The following ADCY2 variants were observed in gnomAD, a reference collection of about 807,000 sequenced individuals.
The protein encoded by ADCY2 is adenylate cyclase 2, also known as adenylate cyclase type 2.
ADCY2 carries 31 observed loss-of-function variants against 125.2 expected under a neutral mutation model. That is an observed-to-expected ratio of 0.25 (90% confidence interval 0.19 to 0.33). The LOEUF is 0.33. Among genes scored for constraint, ADCY2 ranks in the 10% least tolerant of loss-of-function variants. The pLI is 1.00. For missense variants in ADCY2, 904 were observed against 1,418.2 expected, an observed-to-expected ratio of 0.64 and a Z score of 5.82; for synonymous variants, 512 against 548.4, an observed-to-expected ratio of 0.93 and a Z score of 0.93.
chr5:7,588,278 A>G (rs1283855404), intron 3 of ADCY2, among the ~76,000 whole-genome samples: 2 of 152,206 alleles, frequency 1.3e-5, no homozygotes, highest in Admixed American at 6.5e-5. Context: ...CCTGAAACAC[A>G]TAAAAAAATC....
intron 3 of ADCY2, among the ~76,000 whole-genome samples, chr5:7,583,929 A>G (rs1029432321): frequency 1.6e-4 from 25 of 152,150 alleles, no homozygotes; most frequent in African/African-American, 6.0e-4. Context: ...CATGCAACAT[A>G]GATAAGTCAC....
intron 2 of ADCY2, among the ~76,000 whole-genome samples, chr5:7,486,057 A>G (rs546769262): frequency 6.6e-6 from 1 of 152,342 alleles, no homozygotes; most frequent in South Asian, 2.1e-4. Context: ...CAAGGTGACA[A>G]TATATGTGAT....
At chr5:7,632,449 A>C (rs1307452790) in intron 4 of ADCY2, among the ~76,000 whole-genome samples, 1 of 152,026 alleles carries the variant, frequency 6.6e-6, no homozygotes, top group Non-Finnish European at 1.5e-5. Context: ...ATTAGTATAT[A>C]CTTTTCTCTT....
intron 7 of ADCY2, 22 bp downstream of exon 7, chr5:7,698,396 C>T (rs201301567): frequency 3.2e-5 from 52 of 1,613,356 alleles, no homozygotes; most frequent in Non-Finnish European, 4.3e-5. Context: ...GCTTAGTAAG[C>T]ATTTTGTTAT....
At chr5:7,622,933 G>GA (rs1231924191) in intron 3 of ADCY2, among the ~76,000 whole-genome samples, 1 of 152,170 alleles carries the variant, frequency 6.6e-6, no homozygotes, top group Non-Finnish European at 1.5e-5. Flanking sequence ...GGCAATAAAG[G>GA]AAAGAGCCGT....
intron 1 of ADCY2, among the ~76,000 whole-genome samples, chr5:7,403,039 T>C (rs924995083): frequency 1.6e-4 from 24 of 152,202 alleles, no homozygotes; most frequent in Non-Finnish European, 2.8e-4. Flanking sequence ...GCTGGGGTAT[T>C]GCAGCTAGGA....
chr5:7,641,594 G>A (rs533769827), intron 4 of ADCY2, among the ~76,000 whole-genome samples: 9 of 151,988 alleles, frequency 5.9e-5, no homozygotes, highest in Non-Finnish European at 8.8e-5. Context: ...AGAGTGATAG[G>A]TTTGGGGTAT....
chr5:7,825,232 C>CGCTGCTGTGCGCCACGACAAT (rs1745436341), intron 24 of ADCY2, among the ~76,000 whole-genome samples: 1 of 151,812 alleles, frequency 6.6e-6, no homozygotes, highest in African/African-American at 2.4e-5. Flanking sequence ...GCCACGACAA[C>CGCTGCTGTGCGCCACGACAAT]GCTGCTGTGT....
chr5:7,671,272 A>C (rs1739924711), intron 4 of ADCY2, among the ~76,000 whole-genome samples: 1 of 152,204 alleles, frequency 6.6e-6, no homozygotes. Context: ...TGGGAAAAAA[A>C]GTTAAGGTAT....
chr5:7,818,368 C>A (rs927426715), intron 23 of ADCY2, among the ~76,000 whole-genome samples: 2 of 67,098 alleles, frequency 3.0e-5, no homozygotes, highest in African/African-American at 5.0e-5. Context: ...TTTTTTTTTT[C>A]TTTTGTGAGA....
rs555929362 is a variant in ADCY2 at position 7,817,496 on chromosome 5, G to GA, written c.2998+525dup. Among the ~76,000 whole-genome samples the GA allele has an allele frequency of 3.0e-4, 45 of 151,336 alleles. No homozygotes were observed. In the South Asian group the frequency reaches 4.4e-3, roughly 15 times the overall value. ...TTTCCGATTGTGTTCAAATCCTAGAGAAAAAAAAATCCAGCTTTCTTTATA... is the reference window on the plus strand; with the variant it reads ...TTTCCGATTGTGTTCAAATCCTAGAGAAAAAAAAAATCCAGCTTTCTTTATA... On this transcript the variant is annotated intron_variant, in intron 23 of 24. Coordinates refer to ENST00000338316, the MANE Select transcript of ADCY2 (RefSeq NM_020546.3).
At chr5:7,772,410 G>A (rs773179676) in intron 17 of ADCY2, among the ~76,000 whole-genome samples, 1 of 152,142 alleles carries the variant, frequency 6.6e-6, no homozygotes, top group African/African-American at 2.4e-5. Flanking sequence ...TTTAATTTAA[G>A]TCCTTCTGTT....
intron 4 of ADCY2, among the ~76,000 whole-genome samples, chr5:7,679,225 A>C (rs1027714010): frequency 2.0e-5 from 3 of 152,166 alleles, no homozygotes; most frequent in African/African-American, 7.2e-5. Context: ...AGCCTTAGCA[A>C]AGGACTGGGT....
At chr5:7,546,609 C>A (rs550231394) in intron 3 of ADCY2, among the ~76,000 whole-genome samples, 3 of 152,212 alleles carry the variant, frequency 2.0e-5, no homozygotes, top group Non-Finnish European at 2.9e-5. Flanking sequence ...CCAGAATATA[C>A]CATGAGGCTC....
intron 2 of ADCY2, among the ~76,000 whole-genome samples, chr5:7,479,446 A>G (rs1268994806): frequency 6.6e-6 from 1 of 152,072 alleles, no homozygotes; most frequent in African/African-American, 2.4e-5. Context: ...ATTTTATTTT[A>G]ATTTTTAATT....
Position 7,826,915 on chromosome 5 carries a change from GT to G in ADCY2, c.*45del, listed in dbSNP as rs769362919. On this transcript the variant is annotated 3_prime_UTR_variant, in exon 25 of 25. Transcript: ENST00000338316. The stretch of plus-strand genomic sequence containing the variant: ...GCAAGAAGACTGTATTTTCAGGAAG[GT>G]ATCACACACTTTCTGACTGCAACTT... The G allele has an allele frequency of 6.4e-6, 10 of 1,565,690 alleles. 1 individual carries two copies. Among genetic ancestry groups the G allele is most frequent in the Non-Finnish European group, 8.6e-6 (10 of 1,158,404 alleles).
At chr5:7,817,823 CAAAAAAAAAAAAAAAA>C (rs57731885) in intron 23 of ADCY2, among the ~76,000 whole-genome samples, 7 of 78,300 alleles carry the variant, frequency 8.9e-5, no homozygotes, top group South Asian at 5.1e-4. Context: ...ACGCTGTCAC[CAAAAAAAAAAAAAAAA>C]AAAAAAAAAA....
intron 2 of ADCY2, among the ~76,000 whole-genome samples, chr5:7,487,376 C>T (rs1482648676): frequency 6.6e-6 from 1 of 152,180 alleles, no homozygotes; most frequent in Non-Finnish European, 1.5e-5. Flanking sequence ...CTCCCAATGC[C>T]GTTTGTTATC....
chr5:7,724,408 G>GTTTTTT, intron 12 of ADCY2, 137 bp from the exon 13 acceptor site: 1 of 565,396 alleles, frequency 1.8e-6, no homozygotes, highest in Non-Finnish European at 3.0e-6. Context: ...GGCATCACGT[G>GTTTTTT]TTTTTTTTTT....
Sources: gnomAD v4.1 joint callset for allele counts (sites outside exome capture counted in the v4.1 genomes callset) on GRCh38, gnomAD v4.1.1 for gene constraint, MANE v1.5 for transcripts, NCBI Gene and HGNC (gene_info 2026-07-23, HGNC 2026-07-21) for gene names.